Variants in HPSE2 observed in about 807,000 individuals in gnomAD.
HPSE2 encodes the protein heparanase 2 (inactive).
HPSE2 carries 38 observed loss-of-function variants against 60.5 expected under a neutral mutation model. That is an observed-to-expected ratio of 0.63 (90% CI 0.48 to 0.82). The LOEUF (loss-of-function observed/expected upper bound fraction) is 0.82. Among genes scored for constraint, HPSE2 ranks in the 40% least tolerant of loss-of-function variants. HPSE2 has a pLI of 0.00. For synonymous variants in HPSE2, 295 were observed against 293.2 expected, an observed-to-expected ratio of 1.01 and a Z score of -0.06; for missense variants, 713 against 740.4, an observed-to-expected ratio of 0.96 and a Z score of 0.43.
intron 3 of HPSE2, among the ~76,000 whole-genome samples, chr10:98,828,062 C>T (rs747011661): frequency 2.0e-5 from 3 of 152,214 alleles, no homozygotes; most frequent in Non-Finnish European, 4.4e-5. Context: ...TTCAACTCTT[C>T]TCTGGGTGTC....
chr10:99,124,003 G>A (rs754621096), intron 3 of HPSE2, among the ~76,000 whole-genome samples: 11 of 152,172 alleles, frequency 7.2e-5, no homozygotes, highest in South Asian at 2.1e-4. Context: ...GCTCCTATCC[G>A]TAGGCAGGTT....
chr10:99,114,901 C>CAA (rs1223188167), intron 3 of HPSE2, among the ~76,000 whole-genome samples: 124 of 54,478 alleles, frequency 2.3e-3, no homozygotes, highest in African/African-American at 7.7e-3. Flanking sequence ...GACTCCGTCT[C>CAA]AAAAAAAAAA....
intron 3 of HPSE2, among the ~76,000 whole-genome samples, chr10:99,004,589 G>A (rs1410364431): frequency 6.6e-6 from 1 of 151,344 alleles, no homozygotes; most frequent in Non-Finnish European, 1.5e-5. Context: ...TCTTGTTATA[G>A]TGTGTAATCC....
At chr10:98,736,750 C>A (rs2134303287) in intron 4 of HPSE2, among the ~76,000 whole-genome samples, 1 of 152,260 alleles carries the variant, frequency 6.6e-6, no homozygotes, top group South Asian at 2.1e-4. Flanking sequence ...CCTTTAGATA[C>A]TAAACTCCTG....
intron 3 of HPSE2, among the ~76,000 whole-genome samples, chr10:98,881,513 T>C (rs1372220102): frequency 1.3e-5 from 2 of 152,080 alleles, no homozygotes; most frequent in Non-Finnish European, 2.9e-5. Flanking sequence ...GATGTTTGCA[T>C]ATCAGTGTGG....
At chr10:98,669,382 G>C (rs1408243641) in intron 6 of HPSE2, among the ~76,000 whole-genome samples, 2 of 152,230 alleles carry the variant, frequency 1.3e-5, no homozygotes, top group South Asian at 2.1e-4. Context: ...CCCATTACTG[G>C]GTATATACCC....
chr10:98,886,529 T>G (rs766589802), intron 3 of HPSE2, among the ~76,000 whole-genome samples: 1 of 151,386 alleles, frequency 6.6e-6, no homozygotes, highest in African/African-American at 2.4e-5. Context: ...AAATCAAGAG[T>G]GTAGTAAGGA....
chr10:98,534,025 T>C (rs1943207260), intron 9 of HPSE2, among the ~76,000 whole-genome samples: 1 of 152,138 alleles, frequency 6.6e-6, no homozygotes, highest in Non-Finnish European at 1.5e-5. Context: ...GACTTAGCCT[T>C]TCAGGACAAT....
At chr10:99,090,073 A>G (rs1843459352) in intron 3 of HPSE2, among the ~76,000 whole-genome samples, 1 of 152,118 alleles carries the variant, frequency 6.6e-6, no homozygotes, top group Non-Finnish European at 1.5e-5. Context: ...AGCTTTTTGG[A>G]TGAGTCTTTA....
intron 3 of HPSE2, among the ~76,000 whole-genome samples, chr10:99,093,446 CTG>C (rs1843588341): frequency 6.6e-6 from 1 of 152,066 alleles, no homozygotes; most frequent in Admixed American, 6.6e-5. Flanking sequence ...TTGTCTGAGA[CTG>C]TTTTGCACTC....
At chr10:98,998,416 G>C (rs1250858201) in intron 3 of HPSE2, among the ~76,000 whole-genome samples, 2 of 152,212 alleles carry the variant, frequency 1.3e-5, no homozygotes, top group Non-Finnish European at 2.9e-5. Context: ...TCTAGATGTA[G>C]AAGAGATTAA....
chr10:99,262,701 C>T, the HPSE2 span, among the ~76,000 whole-genome samples: 1 of 152,284 alleles, frequency 6.6e-6, no homozygotes, highest in Admixed American at 6.5e-5. Flanking sequence ...AAAAACCAGA[C>T]AAGTCTTATA....
At chr10:99,241,982 T>C in the HPSE2 span, among the ~76,000 whole-genome samples, 1 of 152,230 alleles carries the variant, frequency 6.6e-6, no homozygotes, top group African/African-American at 2.4e-5. Flanking sequence ...CCACATATTT[T>C]AATCATGTAG....
At chr10:98,534,983 C>T (rs957488946) in intron 9 of HPSE2, among the ~76,000 whole-genome samples, 11 of 152,236 alleles carry the variant, frequency 7.2e-5, no homozygotes, top group African/African-American at 2.6e-4. Context: ...CCTAAGCTTA[C>T]TTCATGTGTA....
chr10:99,028,904 A>G (rs1220155714), intron 3 of HPSE2, among the ~76,000 whole-genome samples: 1 of 152,224 alleles, frequency 6.6e-6, no homozygotes, highest in African/African-American at 2.4e-5. Flanking sequence ...CTCTTCAATA[A>G]ATGGTGCTGA....
chr10:98,492,081 T>A (rs1591263613), intron 9 of HPSE2, among the ~76,000 whole-genome samples: 1 of 152,374 alleles, frequency 6.6e-6, no homozygotes, highest in Middle Eastern at 3.4e-3. Flanking sequence ...CCTGTTTTTA[T>A]TTAGGTAATT....
intron 3 of HPSE2, among the ~76,000 whole-genome samples, chr10:98,759,859 T>C (rs968086705): frequency 6.6e-6 from 1 of 152,136 alleles, no homozygotes; most frequent in African/African-American, 2.4e-5. Context: ...ATGAATTGCA[T>C]TGAATCTGTA....
intron 9 of HPSE2, among the ~76,000 whole-genome samples, chr10:98,545,531 T>A (rs1305560729): frequency 1.3e-5 from 2 of 152,132 alleles, no homozygotes; most frequent in Non-Finnish European, 2.9e-5. Flanking sequence ...ATCCAGCATA[T>A]AAACAGAACC....
At chr10:98,853,855 A>G (rs1180198512) in intron 3 of HPSE2, among the ~76,000 whole-genome samples, 1 of 152,194 alleles carries the variant, frequency 6.6e-6, no homozygotes, top group Non-Finnish European at 1.5e-5. Context: ...AAGGGTCCCA[A>G]CTATCTCACA....
Sources: allele counts gnomAD v4.1 joint callset (sites outside exome capture counted in the v4.1 genomes callset), GRCh38; gene constraint gnomAD v4.1.1; transcripts MANE v1.5; gene names NCBI Gene and HGNC (gene_info 2026-07-23, HGNC 2026-07-21).